Variants in LIPH observed in about 807,000 individuals in gnomAD.
The protein encoded by LIPH is lipase member H.
A neutral mutation model predicts 47.6 loss-of-function variants in LIPH; 32 were observed. The ratio of observed to expected loss-of-function variants is 0.67; its 90% CI spans 0.51 to 0.90. The LOEUF (loss-of-function observed/expected upper bound fraction) is 0.90, where lower values mean the gene tolerates loss of function less well. LIPH is among the 40% of genes least tolerant of loss of function. The pLI is 0.00. For synonymous variants in LIPH, 190 were observed against 195.6 expected (o/e 0.97, Z 0.24); for missense variants, 497 against 541.4 (o/e 0.92, Z 0.81).
intron 1 of LIPH, among the ~76,000 whole-genome samples, chr3:185,545,972 A>G (rs1367296857): frequency 2.0e-5 from 3 of 151,650 alleles, no homozygotes; most frequent in Non-Finnish European, 4.4e-5. Flanking sequence ...CCTGGCCTAC[A>G]TGGTGAAACC....
At chr3:185,531,242 T>C (rs992949365) in intron 3 of LIPH, among the ~76,000 whole-genome samples, 1 of 152,152 alleles carries the variant, frequency 6.6e-6, no homozygotes, top group Non-Finnish European at 1.5e-5. Context: ...GTAGAATTAA[T>C]AGCTACTTCA....
chr3:185,516,065 T>C (rs1577666013), intron 7 of LIPH, among the ~76,000 whole-genome samples: 1 of 151,164 alleles, frequency 6.6e-6, no homozygotes, highest in Non-Finnish European at 1.5e-5. Context: ...GTCCAGGAGG[T>C]TGAGGCTGCA....
chr3:185,515,479 G>A (rs1270805770), intron 7 of LIPH, among the ~76,000 whole-genome samples: 1 of 151,618 alleles, frequency 6.6e-6, no homozygotes, highest in Admixed American at 6.6e-5. Flanking sequence ...GCCACACATG[G>A]CTCCAAAGAA....
intron 9 of LIPH, among the ~76,000 whole-genome samples, chr3:185,509,245 A>G (rs1190275758): frequency 6.6e-6 from 1 of 151,910 alleles, no homozygotes; most frequent in Admixed American, 6.6e-5. Context: ...AGATCACGCC[A>G]TTGCACTCTG....
chr3:185,513,570 C>T (rs1414532724), intron 8 of LIPH, among the ~76,000 whole-genome samples: 1 of 152,112 alleles, frequency 6.6e-6, no homozygotes, highest in Non-Finnish European at 1.5e-5. Flanking sequence ...CCAGAAACTC[C>T]ACTTCTGGAT....
intron 6 of LIPH, among the ~76,000 whole-genome samples, chr3:185,518,516 G>A (rs553754721): frequency 3.3e-5 from 5 of 151,532 alleles, no homozygotes; most frequent in African/African-American, 1.2e-4. Context: ...TCCTGACCTT[G>A]TGATTCGCCC....
In LIPH at chr3:185,514,864, G is replaced by A. The variant is rs765413733; in HGVS notation, c.983-343C>T. Among the ~76,000 whole-genome samples, 85 of 152,222 alleles carry A rather than the reference G, an allele frequency of 5.6e-4. 1 individual carries two copies. Among genetic ancestry groups the A allele is most frequent in the Admixed American group, 1.6e-3 (25 of 15,278 alleles). ...GACTCAACCAACTAAGGGGCCATTC[G>A]GAGACCCTCCAGGGCTGAGACGGTT... On this transcript the variant is annotated intron_variant, in intron 7 of 9. Coordinates refer to ENST00000296252, the MANE Select transcript of LIPH (RefSeq NM_139248.3).
chr3:185,514,315 T>G (rs1719658893), intron 8 of LIPH, 95 bp downstream of exon 8: 1 of 747,740 alleles, frequency 1.3e-6, no homozygotes, highest in East Asian at 2.5e-5. Flanking sequence ...AGGAAAAGCA[T>G]AGATCTATAA....
chr3:185,511,462 T>C lies in LIPH; in HGVS notation c.1268+62A>G, dbSNP rs1719561147. ...TATTAACACATCAGACCAAGCAGAT[T>C]GGACAGGATCCAGCAACATCTTTGG... On this transcript the variant is annotated intron_variant, in intron 9 of 9. Coordinates refer to ENST00000296252, the MANE Select transcript of LIPH (RefSeq NM_139248.3). The C allele has an allele frequency of 5.5e-6, 8 of 1,465,400 alleles. No individual in the cohort carries two copies. In the African/African-American group the frequency reaches 8.3e-5, roughly 15 times the overall value. The allele number at this position is 1,465,400 out of a possible 1,614,324, so 90.8% of individuals were successfully genotyped here. A position where few individuals can be genotyped will look rare whatever the true frequency, so the allele number is the denominator to read the frequency against.
chr3:185,538,487 A>C (rs1720571186), intron 1 of LIPH, among the ~76,000 whole-genome samples: 2 of 152,300 alleles, frequency 1.3e-5, no homozygotes, highest in South Asian at 2.1e-4. Context: ...ATCTGAAAAT[A>C]ATGAGTAGCT....
intron 5 of LIPH, among the ~76,000 whole-genome samples, chr3:185,523,174 A>G (rs1025311828): frequency 6.6e-6 from 1 of 152,158 alleles, no homozygotes; most frequent in Non-Finnish European, 1.5e-5. Flanking sequence ...TGCATTTTCC[A>G]TTATTTCTCT....
intron 1 of LIPH, among the ~76,000 whole-genome samples, chr3:185,537,300 T>TA (rs55891765): frequency 1.1e-4 from 17 of 149,662 alleles, no homozygotes; most frequent in East Asian, 5.8e-4. Flanking sequence ...CTCTAGCTCT[T>TA]AAAAAAAAAA....
rs1309256591 is a variant in LIPH, at chr3:185,534,805, T to A, written c.377A>T (p.Lys126Ile). 4 of 1,613,404 alleles carry A rather than the reference T, an allele frequency of 2.5e-6. No individual in the cohort carries two copies. The highest frequency in any genetic ancestry group is 3.4e-6 in the Non-Finnish European group (4 of 1,179,354). ...AAATTCCTTCAAGACCATGGCTACT[T>A]TTCTGGTCTTACTAGAGGCATGGGT... ...IYTHASSKTR[K>I]VAMVLKEFID... is the part of the protein sequence containing the mutation. Residue 126 changes from lysine (K) to isoleucine (I), a missense_variant, in exon 2 of 10, where the codon AAA becomes ATA. Transcript: ENST00000296252.
chr3:185,535,738 G>A (rs825592), intron 1 of LIPH, among the ~76,000 whole-genome samples: 139,839 of 152,024 alleles, frequency 0.92, 64,648 homozygotes, highest in East Asian at 0.99. Context: ...AAGTAACTGG[G>A]ATTACAGGCA....
rs191445900 is a variant in LIPH at position 185,538,170 on chromosome 3, G to A, written c.50-3038C>T. On this transcript the variant is annotated intron_variant, in intron 1 of 9. Coordinates refer to ENST00000296252, the MANE Select transcript of LIPH (RefSeq NM_139248.3). Reference sequence around the variant, plus strand: ...GTACTGTCCCCCGGAGAAGTCCATCGTAAGTATTGAGTGAAATAGATTTCC... The same window carrying A: ...GTACTGTCCCCCGGAGAAGTCCATCATAAGTATTGAGTGAAATAGATTTCC... 1.6e-3 allele frequency among the ~76,000 whole-genome samples: 244 copies of A among 152,172 alleles called. 1 individual carries two copies. The highest frequency in any genetic ancestry group is 5.8e-3 in the African/African-American group (240 of 41,528).
chr3:185,509,946 C>CTTTTTTTTTTTTTTTT (rs66966684), intron 9 of LIPH, among the ~76,000 whole-genome samples: 1 of 118,454 alleles, frequency 8.4e-6, no homozygotes, highest in Non-Finnish European at 1.8e-5. Context: ...TTTTTGTTTT[C>CTTTTTTTTTTTTTTTT]TTTTTTTTTT....
At chr3:185,513,403 G>A (rs1719631734) in intron 8 of LIPH, among the ~76,000 whole-genome samples, 1 of 151,476 alleles carries the variant, frequency 6.6e-6, no homozygotes, top group Non-Finnish European at 1.5e-5. Context: ...CCATCCAGAT[G>A]GTTAATATCA....
At chr3:185,545,389 T>A (rs1577691160) in intron 1 of LIPH, among the ~76,000 whole-genome samples, 2 of 152,222 alleles carry the variant, frequency 1.3e-5, no homozygotes, top group Admixed American at 1.3e-4. Flanking sequence ...TTTAGCATAA[T>A]TGTGCCTGAG....
intron 4 of LIPH, among the ~76,000 whole-genome samples, chr3:185,526,923 G>A (rs1720122096): frequency 6.6e-6 from 1 of 152,072 alleles, no homozygotes; most frequent in African/African-American, 2.4e-5. Flanking sequence ...AAATTAGCCT[G>A]TCCTTCATTG....
Sources: allele counts gnomAD v4.1 joint callset (sites outside exome capture counted in the v4.1 genomes callset), GRCh38; gene constraint gnomAD v4.1.1; transcripts MANE v1.5; gene names NCBI Gene and HGNC (gene_info 2026-07-23, HGNC 2026-07-21).